PTPRJ: variants seen among roughly 807,000 people sequenced by gnomAD.
PTPRJ encodes the protein protein tyrosine phosphatase receptor type J.
A neutral mutation model predicts 141.3 loss-of-function variants in PTPRJ; 129 were observed. That is an observed-to-expected ratio of 0.91 (90% CI 0.79 to 1.06). The LOEUF is 1.06. Among genes scored for constraint, PTPRJ ranks in the 50% least tolerant of loss-of-function variants. The probability of loss-of-function intolerance (pLI) is 0.00; values close to 1 mark genes in which losing one functional copy is unlikely to be tolerated. For missense variants in PTPRJ, 1,601 were observed against 1,679.7 expected (o/e 0.95, Z 0.82); for synonymous variants, 610 against 640.5 (o/e 0.95, Z 0.72).
chr11:48,028,510 G>T (rs1301273467), intron 1 of PTPRJ, among the ~76,000 whole-genome samples: 1 of 152,230 alleles, frequency 6.6e-6, no homozygotes, highest in Non-Finnish European at 1.5e-5. Flanking sequence ...AGGTTAAGCT[G>T]CTGGGCGTGG....
At chr11:48,073,927 A>G (rs1855331244) in intron 1 of PTPRJ, among the ~76,000 whole-genome samples, 1 of 152,216 alleles carries the variant, frequency 6.6e-6, no homozygotes, top group South Asian at 2.1e-4. Context: ...ACAAAATTAT[A>G]TTTAAAACAT....
At chr11:47,990,924 C>T (rs1198390890) in intron 1 of PTPRJ, among the ~76,000 whole-genome samples, 1 of 152,016 alleles carries the variant, frequency 6.6e-6, no homozygotes, top group Non-Finnish European at 1.5e-5. Context: ...CATGATCCGC[C>T]CGCCTCAGCC....
At chr11:48,157,053 G>T (rs1590567342) in intron 21 of PTPRJ, among the ~76,000 whole-genome samples, 2 of 151,840 alleles carry the variant, frequency 1.3e-5, no homozygotes, top group Admixed American at 1.3e-4. Context: ...GCCGTGGTGT[G>T]ATCTTGGCTT....
At chr11:48,027,781 ACT>A (rs1440202474) in intron 1 of PTPRJ, among the ~76,000 whole-genome samples, 5 of 115,060 alleles carry the variant, frequency 4.3e-5, no homozygotes, top group African/African-American at 7.5e-5. Context: ...ACAGAGTGAG[ACT>A]CTGTCTCCAA....
intron 8 of PTPRJ, among the ~76,000 whole-genome samples, chr11:48,135,229 C>T (rs1450304074): frequency 1.5e-5 from 2 of 137,592 alleles, no homozygotes; most frequent in African/African-American, 5.5e-5. Context: ...GGCTGGAGTG[C>T]GATGGCGCGA....
At chr11:48,152,530 T>C (rs1857509223) in intron 18 of PTPRJ, among the ~76,000 whole-genome samples, 1 of 152,264 alleles carries the variant, frequency 6.6e-6, no homozygotes, top group Admixed American at 6.5e-5. Context: ...CCCATGCCTA[T>C]GTCCTGAATA....
intron 1 of PTPRJ, among the ~76,000 whole-genome samples, chr11:47,992,317 G>A (rs1392593843): frequency 6.6e-6 from 1 of 152,084 alleles, no homozygotes; most frequent in Non-Finnish European, 1.5e-5. Context: ...GGCATTACAG[G>A]AGCCCGCCCA....
chr11:48,116,807 C>T (rs1856576133), intron 3 of PTPRJ, among the ~76,000 whole-genome samples: 1 of 152,196 alleles, frequency 6.6e-6, no homozygotes, highest in African/African-American at 2.4e-5. Context: ...AAACAACATG[C>T]TCCTGAATAA....
intron 1 of PTPRJ, among the ~76,000 whole-genome samples, chr11:48,001,997 A>G (rs552369787): frequency 7.0e-4 from 106 of 152,280 alleles, no homozygotes; most frequent in African/African-American, 2.5e-3. Context: ...TTCCAAACAC[A>G]GCTTCTGTTG....
rs142552614 is a variant in PTPRJ at position 48,124,203 on chromosome 11, G to C, written c.874+333G>C. Reference sequence around the variant, plus strand: ...TCAGAGGAACTTATCACGTCTGCTGGTTGATGTTGGCGTTGTCATTTGCAG... The same window carrying C: ...TCAGAGGAACTTATCACGTCTGCTGCTTGATGTTGGCGTTGTCATTTGCAG... On this transcript the variant is annotated intron_variant, in intron 5 of 24. Transcript: ENST00000418331. Among the ~76,000 whole-genome samples, 1,033 of 152,284 alleles carry C rather than the reference G, an allele frequency of 6.8e-3. 14 individuals are homozygous for C. The highest frequency in any genetic ancestry group is 0.024 in the African/African-American group (994 of 41,550).
intron 1 of PTPRJ, among the ~76,000 whole-genome samples, chr11:47,983,240 T>C (rs1444919024): frequency 6.6e-6 from 1 of 152,174 alleles, no homozygotes; most frequent in Non-Finnish European, 1.5e-5. Flanking sequence ...TAGGGACGTA[T>C]CACTGTGTCT....
intron 1 of PTPRJ, among the ~76,000 whole-genome samples, chr11:48,107,790 T>C (rs948895496): frequency 2.0e-5 from 3 of 152,198 alleles, no homozygotes; most frequent in Non-Finnish European, 4.4e-5. Flanking sequence ...ATTTAAATAC[T>C]TGGAGAAAAA....
chr11:48,086,098 A>G (rs1202682177), intron 1 of PTPRJ, among the ~76,000 whole-genome samples: 1 of 152,226 alleles, frequency 6.6e-6, no homozygotes, highest in African/African-American at 2.4e-5. Flanking sequence ...ACAGTGAAAG[A>G]AGATTTTAGA....
In PTPRJ at chr11:48,142,911, T is replaced by A; in HGVS notation, c.2444-8T>A. ...TGGGTGATCATGTTTTGTTTTGTTT[T>A]GTTTTAGATCCCCCTCCTCCAGATG... On this transcript the variant is annotated splice_region_variant and splice_polypyrimidine_tract_variant and intron_variant, in intron 11 of 24. Transcript: ENST00000418331. 2 of 1,611,918 alleles carry A rather than the reference T, an allele frequency of 1.2e-6. No individual in the cohort carries two copies. The highest frequency in any genetic ancestry group is 1.7e-6 in the Non-Finnish European group (2 of 1,178,896).
Position 48,167,601 on chromosome 11 carries a change from CTTTT to C in PTPRJ, c.*249_*252del. ...CCTGATGACCAATGGGATGAGGTCA[CTTTT>C]TTTTTTTTTCCCCCTTGAGGATTGT... On this transcript the variant is annotated 3_prime_UTR_variant, in exon 25 of 25. Coordinates refer to ENST00000418331, the MANE Select transcript of PTPRJ (RefSeq NM_002843.4). The C allele has an allele frequency of 1.7e-5, 5 of 297,508 alleles. No individual in the cohort carries two copies. Among genetic ancestry groups the C allele is most frequent in the Non-Finnish European group, 1.8e-5 (3 of 166,828 alleles). 18.4% of individuals were successfully genotyped at this position (297,508 alleles called of 1,614,324 possible).
intron 1 of PTPRJ, among the ~76,000 whole-genome samples, chr11:48,034,248 A>G (rs1007114499): frequency 6.6e-6 from 1 of 152,206 alleles, no homozygotes; most frequent in Non-Finnish European, 1.5e-5. Flanking sequence ...TTGAGCTAGA[A>G]AAAGAACAAG....
rs753566702 is a variant in PTPRJ, at chr11:48,130,538, A to G, written c.1437A>G (p.Ala479=). The G allele has an allele frequency of 9.9e-6, 16 of 1,614,072 alleles. No individual in the cohort carries two copies. The highest frequency in any genetic ancestry group is 1.4e-5 in the Non-Finnish European group (16 of 1,180,028). The change falls in exon 8 of 25, where the codon GCA becomes GCG. Residue 479 remains alanine (A), a synonymous_variant. Transcript: ENST00000418331. ...EIGLAWSSHD[A]ESFQMHITQE... ...GCTTAGCATGGAGCAGCCATGATGC[A>G]GAATCATTTCAGATGCATATCACAC...
At chr11:48,089,139 C>T (rs963917735) in intron 1 of PTPRJ, among the ~76,000 whole-genome samples, 9 of 152,038 alleles carry the variant, frequency 5.9e-5, no homozygotes, top group African/African-American at 9.7e-5. Context: ...TGTTAAATGA[C>T]GTGAAATAAA....
At chr11:47,995,978 TG>T (rs1474815301) in intron 1 of PTPRJ, among the ~76,000 whole-genome samples, 1 of 143,416 alleles carries the variant, frequency 7.0e-6, no homozygotes, top group Non-Finnish European at 1.5e-5. Context: ...GCACAGGTTG[TG>T]GTGACCTGAG....
Sources: gnomAD v4.1 joint callset for allele counts (sites outside exome capture counted in the v4.1 genomes callset) on GRCh38, gnomAD v4.1.1 for gene constraint, MANE v1.5 for transcripts, NCBI Gene and HGNC (gene_info 2026-07-23, HGNC 2026-07-21) for gene names.